ODAD3: variants seen among roughly 807,000 people sequenced by gnomAD.
ODAD3 encodes outer dynein arm docking complex subunit 3.
In ODAD3, 57 loss-of-function variants were observed where a neutral mutation model predicts 70.9. The ratio of observed to expected loss-of-function variants is 0.80; its 90% CI spans 0.65 to 1.00. The LOEUF (loss-of-function observed/expected upper bound fraction) is 1.00, where lower values mean the gene tolerates loss of function less well. ODAD3 is among the 50% of genes least tolerant of loss of function. ODAD3 has a pLI of 0.00. For synonymous variants in ODAD3, 327 were observed against 315.9 expected (o/e 1.04, Z -0.37); for missense variants, 797 against 763.9 (o/e 1.04, Z -0.51).
chr19:11,424,338 T>C (rs938232234), intron 7 of ODAD3, among the ~76,000 whole-genome samples: 1 of 151,746 alleles, frequency 6.6e-6, no homozygotes, highest in African/African-American at 2.4e-5. Flanking sequence ...ACCCCGTCTC[T>C]ACAAAAAACA....
rs1969384873 is a variant in ODAD3 at position 11,426,734 on chromosome 19, C to G, written c.663G>C (p.Gln221His). The change falls in exon 5 of 13, where the codon CAG becomes CAC. Residue 221 changes from glutamine (Q) to histidine (H), a missense_variant. Gln to His is a conservative substitution (Grantham distance 24). Coordinates refer to ENST00000356392, the MANE Select transcript of ODAD3 (RefSeq NM_145045.5). ...NRLEKAQMKAQEAEHITSVYL... is the reference protein window; with the variant it reads ...NRLEKAQMKAHEAEHITSVYL... Reference sequence around the variant, plus strand: ...ACACGCTGGTAATGTGCTCGGCCTCCTGCGCCTTCATCTGGGCCTTCTCCA... The same window carrying G: ...ACACGCTGGTAATGTGCTCGGCCTCGTGCGCCTTCATCTGGGCCTTCTCCA... The G allele has an allele frequency of 4.3e-6, 7 of 1,613,970 alleles. No individual in the cohort carries two copies. The highest frequency in any genetic ancestry group is 5.9e-6 in the Non-Finnish European group (7 of 1,179,898).
At chr19:11,421,428 G>C (rs1303267872) in intron 11 of ODAD3, among the ~76,000 whole-genome samples, 1 of 152,094 alleles carries the variant, frequency 6.6e-6, no homozygotes, top group African/African-American at 2.4e-5. Flanking sequence ...CCTGCCACTA[G>C]GCCTCTCCCC....
intron 3 of ODAD3, among the ~76,000 whole-genome samples, chr19:11,429,677 G>C (rs1969461940): frequency 6.6e-6 from 1 of 152,002 alleles, no homozygotes; most frequent in Non-Finnish European, 1.5e-5. Context: ...CAAAGTGCTG[G>C]GATTACAGGC....
chr19:11,421,108 A>C lies in ODAD3; in HGVS notation c.1675+20T>G, dbSNP rs2144752357. ...CTTGGGGCCCCAACCGCACCCCTTC[A>C]TCCCCCCACCCATACTGACCAAAAA... On this transcript the variant is annotated intron_variant, in intron 12 of 12. Transcript: ENST00000356392. 6.2e-7 allele frequency: 1 copy of C among 1,609,886 alleles called. No individual in the cohort carries two copies. Among genetic ancestry groups the C allele is most frequent in the Non-Finnish European group, 8.5e-7 (1 of 1,178,600 alleles).
In ODAD3 at chr19:11,420,787, G is replaced by T; in HGVS notation, c.*48C>A. 1 of 1,524,172 alleles carries T rather than the reference G, an allele frequency of 6.6e-7. No homozygotes were observed. Among genetic ancestry groups the T allele is most frequent in the Non-Finnish European group, 9.1e-7 (1 of 1,099,220 alleles). The allele number at this position is 1,524,172 out of a possible 1,614,324, so 94.4% of individuals were successfully genotyped here. The stretch of plus-strand genomic sequence containing the variant: ...CCGTGGGGCCTGCGCTAGACCCGGA[G>T]GGATCGGGGGCTCCGAAGGGGGCCG... On this transcript the variant is annotated 3_prime_UTR_variant, in exon 13 of 13. Transcript: ENST00000356392.
chr19:11,431,450 C>T (rs1357851479), intron 1 of ODAD3, among the ~76,000 whole-genome samples: 9 of 151,778 alleles, frequency 5.9e-5, no homozygotes, highest in Non-Finnish European at 4.4e-5. Context: ...CGTTGACCAG[C>T]CTGGCCAACA....
intron 3 of ODAD3, among the ~76,000 whole-genome samples, 180 bp from the exon 4 acceptor site, chr19:11,427,220 C>G (rs966109870): frequency 2.0e-5 from 3 of 151,860 alleles, no homozygotes; most frequent in Non-Finnish European, 4.4e-5. Flanking sequence ...GGAGTCTTCT[C>G]TCTGTCTATA....
rs777498520 is a variant in ODAD3, at chr19:11,421,101, C to G, written c.1675+27G>C. The G allele has an allele frequency of 3.7e-6, 6 of 1,611,194 alleles. No homozygotes were observed. The South Asian group carries it at 6.6e-5, about 18-fold the overall frequency. On this transcript the variant is annotated intron_variant, in intron 12 of 12. Transcript: ENST00000356392. ...TACCCAGCTTGGGGCCCCAACCGCA[C>G]CCCTTCATCCCCCCACCCATACTGA...
In ODAD3 at chr19:11,426,968, A is replaced by C. The variant is rs1409124090; in HGVS notation, c.517T>G (p.Leu173Val). The change falls in exon 4 of 13, where the codon TTG becomes GTG. Residue 173 changes from leucine to valine, a missense_variant. Coordinates refer to ENST00000356392, the MANE Select transcript of ODAD3 (RefSeq NM_145045.5). ...QQNALRHQVV[L>V]RQRRLEELQL... ...AGCTCCTCCAGCCGCCTCTGCCGCA[A>C]CACCACCTGGTGCCGCAGGGCGTTC... is the stretch of plus-strand genomic sequence containing the variant. The C allele has an allele frequency of 2.5e-6, 4 of 1,608,390 alleles. No individual in the cohort carries two copies. The highest frequency in any genetic ancestry group is 2.2e-5 in the East Asian group (1 of 44,862).
At chr19:11,420,977 C>T (rs1969118096) in intron 12 of ODAD3, 30 bp from the exon 13 acceptor site, 4 of 1,602,822 alleles carry the variant, frequency 2.5e-6, no homozygotes, top group East Asian at 2.2e-5. Context: ...GAGCAGGGAG[C>T]GATGTGGGAT....
intron 7 of ODAD3, among the ~76,000 whole-genome samples, chr19:11,425,541 A>C (rs1341549166): frequency 7.2e-6 from 1 of 139,454 alleles, no homozygotes; most frequent in Non-Finnish European, 1.5e-5. Context: ...ATATGTGTGT[A>C]TGTATGTATA....
intron 1 of ODAD3, among the ~76,000 whole-genome samples, chr19:11,433,729 C>G (rs192046030): frequency 1.3e-5 from 2 of 152,154 alleles, no homozygotes; most frequent in South Asian, 2.1e-4. Flanking sequence ...GAGTTTGAGA[C>G]CAGCCTGGGC....
chr19:11,423,867 C>A lies in ODAD3; in HGVS notation c.1116+10G>T. On this transcript the variant is annotated intron_variant, in intron 8 of 12. Transcript: ENST00000356392. ...GGGGCGCGGCGGAGAGGGCTGCGGG[C>A]AGAACTCACGTGCGTCTCGTCAGTG... is the stretch of plus-strand genomic sequence containing the variant. 1.9e-6 allele frequency: 3 copies of A among 1,600,580 alleles called. No homozygotes were observed. In the African/African-American group the frequency reaches 4.0e-5, roughly 21 times the overall value.
At chr19:11,434,678 C>T in intron 1 of ODAD3, 95 bp downstream of exon 1, 2 of 1,484,572 alleles carry the variant, frequency 1.3e-6, no homozygotes, top group Non-Finnish European at 9.1e-7. Flanking sequence ...AACGGTTTAC[C>T]TAGACTCATG....
chr19:11,435,731 G>A, upstream of ODAD3: 1 of 1,342,650 alleles, frequency 7.4e-7, no homozygotes, highest in Middle Eastern at 2.0e-4. Context: ...GCGGGTGGGA[G>A]GGCACCTCAG....
intron 3 of ODAD3, 51 bp from the exon 4 acceptor site, chr19:11,427,091 ACACACCTAGCCCT>A (rs1322749881): frequency 6.7e-7 from 1 of 1,490,986 alleles, no homozygotes; most frequent in South Asian, 1.3e-5. Flanking sequence ...CTACCCCGAC[ACACACCTAGCCCT>A]TCCTCCCTTC....
At chr19:11,431,706 G>A (rs1317669138) in intron 1 of ODAD3, among the ~76,000 whole-genome samples, 1 of 151,158 alleles carries the variant, frequency 6.6e-6, no homozygotes, top group Non-Finnish European at 1.5e-5. Flanking sequence ...AGGCCAAAGT[G>A]AGCGGATCAC....
chr19:11,421,187 A>G lies in ODAD3; in HGVS notation c.1616T>C (p.Leu539Pro). Residue 539 changes from leucine (L) to proline (P), a missense_variant, in exon 12 of 13, where the codon CTG (leucine) becomes CCG (proline). Coordinates refer to ENST00000356392, the MANE Select transcript of ODAD3 (RefSeq NM_145045.5). ...REFLASLEGR[L>P]PEYNTRIALP... is the part of the protein sequence containing the mutation. ...GGCGATGCGGGTGTTGTATTCGGGC[A>G]GCCTTCCCTCTAAGCTGGCGAGGAA... The G allele has an allele frequency of 1.2e-6, 2 of 1,613,530 alleles. No homozygotes were observed. The highest frequency in any genetic ancestry group is 2.2e-5 in the South Asian group (2 of 91,012).
intron 7 of ODAD3, among the ~76,000 whole-genome samples, chr19:11,424,295 G>A (rs971749489): frequency 1.3e-5 from 2 of 151,930 alleles, no homozygotes; most frequent in African/African-American, 4.8e-5. Context: ...TTTGAGCCCA[G>A]GGGTTCGGGA....
Sources: gnomAD v4.1 joint callset for allele counts (sites outside exome capture counted in the v4.1 genomes callset) on GRCh38, gnomAD v4.1.1 for gene constraint, MANE v1.5 for transcripts, NCBI Gene and HGNC (gene_info 2026-07-23, HGNC 2026-07-21) for gene names.